The following FAM135B variants were observed in gnomAD, a reference collection of about 807,000 sequenced individuals.
FAM135B encodes family with sequence similarity 135 member B.
A neutral mutation model predicts 127.7 loss-of-function variants in FAM135B; 43 were observed. The observed-to-expected ratio is 0.34, with a 90% confidence interval of 0.26 to 0.43. The LOEUF (loss-of-function observed/expected upper bound fraction) is 0.43, where lower values mean the gene tolerates loss of function less well. Among genes scored for constraint, FAM135B ranks in the 20% least tolerant of loss-of-function variants. The pLI is 1.00. For synonymous variants in FAM135B, 670 were observed against 665.1 expected, an observed-to-expected ratio of 1.01 and a Z score of -0.11; for missense variants, 1,558 against 1,725.6, an observed-to-expected ratio of 0.90 and a Z score of 1.72.
chr8:138,477,145 G>A (rs557842587), intron 1 of FAM135B, among the ~76,000 whole-genome samples: 4 of 152,292 alleles, frequency 2.6e-5, no homozygotes, highest in East Asian at 1.9e-4. Context: ...AGGAACACCC[G>A]TGATTCCTGA....
Position 138,265,787 on chromosome 8 carries a change from GACCCGGCTGTGC to G in FAM135B, c.201_212del (p.His68_Val71del). On this transcript the variant is annotated inframe_deletion, in exon 4 of 20. Transcript: ENST00000395297. The stretch of plus-strand genomic sequence containing the variant: ...CTTCATTCCGGTATAAGATCTGAAA[GACCCGGCTGTGC>G]ACGGTGCTGTCATGGACACAGGCTG... The G allele has an allele frequency of 6.2e-7, 1 of 1,614,096 alleles. No homozygotes were observed. Among genetic ancestry groups the G allele is most frequent in the Non-Finnish European group, 8.5e-7 (1 of 1,180,014 alleles).
chr8:138,196,484 A>C (rs947996204), intron 8 of FAM135B, among the ~76,000 whole-genome samples: 2 of 152,176 alleles, frequency 1.3e-5, no homozygotes, highest in Non-Finnish European at 2.9e-5. Context: ...CAGGGATCTG[A>C]GGGGAATCAG....
intron 7 of FAM135B, among the ~76,000 whole-genome samples, chr8:138,231,012 A>G (rs1355518355): frequency 6.6e-6 from 1 of 151,688 alleles, no homozygotes; most frequent in African/African-American, 2.4e-5. Flanking sequence ...TTTTATTTTT[A>G]TTTTGTTTTA....
chr8:138,180,121 T>C (rs1266924929), intron 9 of FAM135B, among the ~76,000 whole-genome samples: 1 of 152,112 alleles, frequency 6.6e-6, no homozygotes. Context: ...GAACCATCTT[T>C]TGGGGGAGTA....
intron 7 of FAM135B, among the ~76,000 whole-genome samples, chr8:138,203,289 T>C (rs749987677): frequency 3.3e-5 from 5 of 152,090 alleles, no homozygotes; most frequent in Non-Finnish European, 4.4e-5. Flanking sequence ...CCATCTTACA[T>C]GGAGCTCACT....
chr8:138,261,323 G>C (rs925523291), intron 4 of FAM135B, among the ~76,000 whole-genome samples: 2 of 152,134 alleles, frequency 1.3e-5, no homozygotes, highest in Non-Finnish European at 2.9e-5. Flanking sequence ...ATGCAATCTT[G>C]CTCATAAAAT....
Position 138,384,997 on chromosome 8 carries a change from C to T in FAM135B, c.-19-16995G>A, listed in dbSNP as rs905178339. On this transcript the variant is annotated intron_variant, in intron 1 of 19. Coordinates refer to ENST00000395297, the MANE Select transcript of FAM135B (RefSeq NM_015912.4). Reference sequence around the variant, plus strand: ...ATGCCCTCACATCGGCCAACGCAGTCTGATATAATCTGCTTCCCAGCTCTC... The same window carrying T: ...ATGCCCTCACATCGGCCAACGCAGTTTGATATAATCTGCTTCCCAGCTCTC... 1.2e-4 allele frequency among the ~76,000 whole-genome samples: 19 copies of T among 152,274 alleles called. No individual in the cohort carries two copies. The East Asian group carries it at 3.3e-3, about 26-fold the overall frequency.
At chr8:138,379,655 C>A (rs1454394847) in intron 1 of FAM135B, among the ~76,000 whole-genome samples, 4 of 152,120 alleles carry the variant, frequency 2.6e-5, no homozygotes, top group African/African-American at 4.8e-5. Context: ...CCACAGCCAA[C>A]AAGGCTGGTT....
At chr8:138,164,671 G>A (rs756284103) in intron 12 of FAM135B, among the ~76,000 whole-genome samples, 55 of 152,040 alleles carry the variant, frequency 3.6e-4, no homozygotes, top group Non-Finnish European at 6.5e-4. Flanking sequence ...CCCCCTCCCC[G>A]CTTAGAATTG....
chr8:138,199,460 G>A (rs972255998), intron 7 of FAM135B, among the ~76,000 whole-genome samples: 6 of 152,198 alleles, frequency 3.9e-5, no homozygotes, highest in East Asian at 1.9e-4. Flanking sequence ...CAGGTACAAC[G>A]GAGACCTCAG....
chr8:138,275,165 A>G (rs561048608), intron 3 of FAM135B, among the ~76,000 whole-genome samples: 194 of 152,308 alleles, frequency 1.3e-3, no homozygotes, highest in African/African-American at 4.5e-3. Context: ...AATGTCCATG[A>G]AATCTACACA....
At chr8:138,473,457 T>C (rs115825229) in intron 1 of FAM135B, among the ~76,000 whole-genome samples, 2,152 of 152,218 alleles carry the variant, frequency 0.014, 47 homozygotes, top group African/African-American at 0.048. Flanking sequence ...CCTTCCCACA[T>C]AGATCCCATC....
Position 138,141,898 on chromosome 8 carries a change from T to C in FAM135B, c.3639-549A>G, listed in dbSNP as rs182258580. Among the ~76,000 whole-genome samples, 206 of 152,326 alleles carry C rather than the reference T, an allele frequency of 1.4e-3. No homozygotes were observed. The highest frequency in any genetic ancestry group is 6.8e-3 in the Middle Eastern group (2 of 294). ...GGCCCACGTGTTCAATGAATCATTA[T>C]TCTCAAGTTAAATACTTATTTATTG... On this transcript the variant is annotated intron_variant, in intron 16 of 19. Coordinates refer to ENST00000395297, the MANE Select transcript of FAM135B (RefSeq NM_015912.4). This position sits in a 1 kb window ranked among gnomAD's most constrained non-coding sequence, Gnocchi z 4.7.
At chr8:138,477,359 C>T (rs756695052) in intron 1 of FAM135B, 13 of 152,282 alleles carry the variant, frequency 8.5e-5, no homozygotes, top group South Asian at 8.3e-4. Context: ...CAAGCTCAGC[C>T]GCAGAGTCAC....
intron 3 of FAM135B, among the ~76,000 whole-genome samples, chr8:138,269,669 A>G (rs941617576): frequency 9.9e-5 from 15 of 152,190 alleles, no homozygotes; most frequent in African/African-American, 3.6e-4. Flanking sequence ...AGGGAAATAT[A>G]AGTTCTAGAC....
At chr8:138,431,337 G>A (rs138256898) in intron 1 of FAM135B, among the ~76,000 whole-genome samples, 3 of 152,248 alleles carry the variant, frequency 2.0e-5, no homozygotes, top group African/African-American at 4.8e-5. Flanking sequence ...CTCATAATAT[G>A]CCTCTTAATT....
chr8:138,338,526 C>T (rs1379421922), intron 2 of FAM135B, among the ~76,000 whole-genome samples: 2 of 151,608 alleles, frequency 1.3e-5, no homozygotes, highest in East Asian at 1.9e-4. Flanking sequence ...TCATCACTGG[C>T]CATCAGAGAA....
chr8:138,139,986 A>G (rs1317040757), intron 17 of FAM135B, among the ~76,000 whole-genome samples: 1 of 152,210 alleles, frequency 6.6e-6, no homozygotes, highest in Admixed American at 6.5e-5. Context: ...ATTACTCTGG[A>G]TATGCTAGAT....
intron 1 of FAM135B, among the ~76,000 whole-genome samples, chr8:138,387,120 T>C (rs1418006891): frequency 6.6e-6 from 1 of 152,190 alleles, no homozygotes; most frequent in African/African-American, 2.4e-5. Context: ...TTATTTGATA[T>C]TTGGAAATTA....
Sources: allele counts gnomAD v4.1 joint callset (sites outside exome capture counted in the v4.1 genomes callset), GRCh38; gene constraint gnomAD v4.1.1; non-coding constraint Gnocchi (gnomAD v3.1); transcripts MANE v1.5; gene names NCBI Gene and HGNC (gene_info 2026-07-23, HGNC 2026-07-21).